SEL1L2: variants seen among roughly 807,000 people sequenced by gnomAD.
SEL1L2 encodes the protein protein sel-1 homolog 2.
SEL1L2 carries 89 observed loss-of-function variants against 98.8 expected under a neutral mutation model. The observed-to-expected ratio is 0.90, with a 90% CI of 0.76 to 1.07. SEL1L2 has a LOEUF of 1.07. SEL1L2 is among the 50% of genes least tolerant of loss of function. The pLI, the probability that SEL1L2 is intolerant of heterozygous loss-of-function variation, is 0.00. For missense variants in SEL1L2, 788 were observed against 812.0 expected (o/e 0.97, Z 0.36); for synonymous variants, 262 against 278.5 (o/e 0.94, Z 0.59).
chr20:13,876,348 G>A (rs1019733214), intron 11 of SEL1L2, among the ~76,000 whole-genome samples: 6 of 150,632 alleles, frequency 4.0e-5, no homozygotes, highest in Non-Finnish European at 8.8e-5. Flanking sequence ...GACTTCTGGA[G>A]TGACCCTGCC....
At chr20:13,933,360 A>G (rs1055000126) in intron 2 of SEL1L2, among the ~76,000 whole-genome samples, 4 of 152,206 alleles carry the variant, frequency 2.6e-5, no homozygotes, top group African/African-American at 9.7e-5. Flanking sequence ...AGTCAATTTT[A>G]GAACATTTTT....
At position 13,913,934 on chromosome 20, in the gene SEL1L2, G is replaced by T; in HGVS notation, c.397C>A (p.Leu133Ile). 6.4e-7 allele frequency: 1 copy of T among 1,560,264 alleles called. No individual in the cohort carries two copies. The highest frequency in any genetic ancestry group is 2.4e-5 in the East Asian group (1 of 41,670). ...SQKQKEEAYL[L>I]FAKAADMGNL... The stretch of plus-strand genomic sequence containing the variant: ...CCCATGTCAGCTGCTTTGGCAAAAA[G>T]TAGGTAGGCTCTGTTTCAAGAATAT... The change falls in exon 5 of 20, where the codon CTT (leucine) becomes ATT (isoleucine). Residue 133 changes from leucine (L) to isoleucine (I), a missense_variant. Leu to Ile is a conservative substitution (Grantham distance 5). Coordinates refer to ENST00000284951, the MANE Select transcript of SEL1L2 (RefSeq NM_025229.2).
intron 1 of SEL1L2, among the ~76,000 whole-genome samples, chr20:13,968,438 T>C (rs1329016727): frequency 6.6e-6 from 1 of 152,258 alleles, no homozygotes; most frequent in African/African-American, 2.4e-5. Context: ...TTATGATTAA[T>C]TCTTCATTAG....
At chr20:13,874,434 C>G (rs1330979181) in intron 12 of SEL1L2, among the ~76,000 whole-genome samples, 1 of 152,096 alleles carries the variant, frequency 6.6e-6, no homozygotes, top group Non-Finnish European at 1.5e-5. Flanking sequence ...AGGAAAGTAG[C>G]TCGGGTTCAG....
At chr20:13,958,365 G>A (rs948725463) in intron 1 of SEL1L2, among the ~76,000 whole-genome samples, 1 of 152,086 alleles carries the variant, frequency 6.6e-6, no homozygotes. Flanking sequence ...GTTGGAATTT[G>A]CCGTTTGATA....
chr20:13,861,740 TAGTC>T (rs1990172193), intron 17 of SEL1L2, among the ~76,000 whole-genome samples: 1 of 152,166 alleles, frequency 6.6e-6, no homozygotes, highest in Admixed American at 6.5e-5. Context: ...CTTGGAATAA[TAGTC>T]AGACTCCTTA....
At chr20:13,929,487 C>CT (rs747948529) in intron 3 of SEL1L2, among the ~76,000 whole-genome samples, 2,245 of 73,276 alleles carry the variant, frequency 0.031, 813 homozygotes, top group East Asian at 0.13. Flanking sequence ...TTGCCTTTGC[C>CT]TTTTTTTTTT....
upstream of SEL1L2, among the ~76,000 whole-genome samples, chr20:13,994,554 T>A (rs180809410): frequency 1.1e-4 from 16 of 152,306 alleles, 1 homozygote; most frequent in East Asian, 2.3e-3. Flanking sequence ...GCCTTGAAGA[T>A]GATCTGATAT....
intron 2 of SEL1L2, among the ~76,000 whole-genome samples, chr20:13,938,820 A>G (rs1325510768): frequency 6.6e-6 from 1 of 152,036 alleles, no homozygotes; most frequent in African/African-American, 2.4e-5. Flanking sequence ...CAGTCAATAA[A>G]TATTAACTGT....
chr20:13,989,458 C>G (rs1262078558), intron 1 of SEL1L2, among the ~76,000 whole-genome samples: 1 of 152,126 alleles, frequency 6.6e-6, no homozygotes, highest in Non-Finnish European at 1.5e-5. Flanking sequence ...ATATCTTCTA[C>G]TTTTGTTTCT....
At chr20:13,985,715 G>A (rs113134805) in intron 1 of SEL1L2, among the ~76,000 whole-genome samples, 3 of 151,994 alleles carry the variant, frequency 2.0e-5, no homozygotes, top group African/African-American at 4.8e-5. Context: ...ATGGCCTTTA[G>A]GATATTCACA....
chr20:13,993,892 G>C (rs2148599819), upstream of SEL1L2, among the ~76,000 whole-genome samples: 1 of 152,106 alleles, frequency 6.6e-6, no homozygotes, highest in Non-Finnish European at 1.5e-5. Context: ...TCTAATCAAA[G>C]ACCTCTTTCT....
intron 1 of SEL1L2, among the ~76,000 whole-genome samples, chr20:13,979,618 C>T (rs2051712369): frequency 6.6e-6 from 1 of 152,122 alleles, no homozygotes; most frequent in South Asian, 2.1e-4. Context: ...CTGAAACTGG[C>T]ACTTAATCTC....
At chr20:13,951,012 C>G (rs867127433) in intron 2 of SEL1L2, among the ~76,000 whole-genome samples, 8 of 152,066 alleles carry the variant, frequency 5.3e-5, no homozygotes, top group African/African-American at 1.7e-4. Context: ...CGCGGTGGCT[C>G]ACACCTGTAA....
chr20:13,896,690 T>C (rs915939439), intron 5 of SEL1L2, among the ~76,000 whole-genome samples: 7 of 152,148 alleles, frequency 4.6e-5, no homozygotes, highest in Admixed American at 3.9e-4. Context: ...TACTTAGGAA[T>C]AAACTTAACT....
chr20:13,928,035 T>C (rs996726706), intron 3 of SEL1L2: 3 of 152,184 alleles, frequency 2.0e-5, no homozygotes, highest in Admixed American at 6.5e-5. Flanking sequence ...GAAGAGAAGA[T>C]GAGTTATCCT....
upstream of SEL1L2, among the ~76,000 whole-genome samples, chr20:13,992,346 A>G (rs2052561128): frequency 6.6e-6 from 1 of 152,116 alleles, no homozygotes; most frequent in Non-Finnish European, 1.5e-5. Flanking sequence ...TCTACTAAAA[A>G]TACAAAAATT....
At chr20:13,899,310 A>G (rs1378489882) in intron 5 of SEL1L2, among the ~76,000 whole-genome samples, 4 of 152,068 alleles carry the variant, frequency 2.6e-5, no homozygotes, top group African/African-American at 9.7e-5. Context: ...TTGCTATTAT[A>G]TATTACATTT....
At chr20:13,954,310 A>G (rs2050417415) in intron 2 of SEL1L2, among the ~76,000 whole-genome samples, 1 of 152,164 alleles carries the variant, frequency 6.6e-6, no homozygotes, top group Admixed American at 6.5e-5. Flanking sequence ...GCTCATTGCC[A>G]AGGAGTCATG....
Sources: gnomAD v4.1 joint callset for allele counts (sites outside exome capture counted in the v4.1 genomes callset) on GRCh38, gnomAD v4.1.1 for gene constraint, MANE v1.5 for transcripts, NCBI Gene and HGNC (gene_info 2026-07-23, HGNC 2026-07-21) for gene names.